NRXN3: variants seen among roughly 807,000 people sequenced by gnomAD.
NRXN3 encodes the protein neurexin III.
Under a neutral mutation model 137.6 loss-of-function variants are expected in NRXN3, and 32 were observed. The observed-to-expected ratio is 0.23, with a 90% confidence interval of 0.18 to 0.31. The LOEUF (loss-of-function observed/expected upper bound fraction) is 0.31, where lower values mean the gene tolerates loss of function less well. Ranked by LOEUF, NRXN3 falls within the 10% of genes least tolerant of loss-of-function variation. The pLI is 1.00. For synonymous variants in NRXN3, 798 were observed against 784.5 expected (o/e 1.02, Z -0.29); for missense variants, 1,574 against 2,062.5 (o/e 0.76, Z 4.59).
chr14:78,628,538 A>AAATTATTG (rs1393860300), intron 4 of NRXN3, among the ~76,000 whole-genome samples: 1 of 152,208 alleles, frequency 6.6e-6, no homozygotes, highest in African/African-American at 2.4e-5. Flanking sequence ...TGAATGAATA[A>AAATTATTG]AATTATTGAG....
intron 15 of NRXN3, among the ~76,000 whole-genome samples, chr14:79,392,463 G>A (rs1236313160): frequency 6.6e-6 from 1 of 152,180 alleles, no homozygotes; most frequent in East Asian, 1.9e-4. Context: ...ACATGTGCTT[G>A]TGTCTTTATA....
intron 4 of NRXN3, among the ~76,000 whole-genome samples, chr14:78,574,506 A>T (rs1383897583): frequency 6.6e-6 from 1 of 152,220 alleles, no homozygotes; most frequent in African/African-American, 2.4e-5. Context: ...CATGCCCTGG[A>T]TGTTAGACAC....
At chr14:78,778,768 C>CT (rs769415618) in intron 8 of NRXN3, among the ~76,000 whole-genome samples, 1 of 57,430 alleles carries the variant, frequency 1.7e-5, no homozygotes. Context: ...CTCTTTCTTT[C>CT]TTTCTTTCTT....
chr14:79,478,927 T>C (rs1190571054), intron 16 of NRXN3, among the ~76,000 whole-genome samples: 1 of 152,070 alleles, frequency 6.6e-6, no homozygotes, highest in Admixed American at 6.6e-5. Context: ...CCTTATCTTG[T>C]TCATCTCTCA....
At chr14:78,865,820 G>C (rs1466075163) in intron 10 of NRXN3, among the ~76,000 whole-genome samples, 1 of 152,084 alleles carries the variant, frequency 6.6e-6, no homozygotes. Flanking sequence ...TTGGTTTTAT[G>C]GCCAGAACTA....
Position 79,064,777 on chromosome 14 carries a change from GTATA to G in NRXN3, c.3262+76645_3262+76648del, listed in dbSNP as rs1229248575. ...TAATTACCCATATATATGTATGTGT[GTATA>G]TATATATAATTACCCATATATATGT... On this transcript the variant is annotated intron_variant, in intron 15 of 20. Transcript: ENST00000335750. 4.2e-4 allele frequency among the ~76,000 whole-genome samples: 57 copies of G among 136,310 alleles called. No individual in the cohort carries two copies. In the East Asian group the frequency reaches 9.2e-3, roughly 22 times the overall value. 89.4% of individuals were successfully genotyped at this position (136,310 alleles called of 152,430 possible). A position where few individuals can be genotyped will look rare whatever the true frequency, so the allele number is the denominator to read the frequency against.
intron 15 of NRXN3, among the ~76,000 whole-genome samples, chr14:79,447,877 A>G (rs890675788): frequency 7.2e-5 from 11 of 152,196 alleles, no homozygotes; most frequent in Non-Finnish European, 1.3e-4. Context: ...GAGCTCATAC[A>G]TGTGTTCTTC....
At chr14:79,418,268 TAA>T (rs1303717213) in intron 15 of NRXN3, among the ~76,000 whole-genome samples, 1 of 152,186 alleles carries the variant, frequency 6.6e-6, no homozygotes, top group Non-Finnish European at 1.5e-5. Context: ...TCAGTAATTA[TAA>T]GTCTATAATT....
chr14:79,109,335 G>T (rs1333774083), intron 15 of NRXN3, among the ~76,000 whole-genome samples: 1 of 152,098 alleles, frequency 6.6e-6, no homozygotes, highest in African/African-American at 2.4e-5. Context: ...AAACTTAGAA[G>T]AACTAGATAA....
intron 10 of NRXN3, among the ~76,000 whole-genome samples, chr14:78,872,917 C>T (rs2099104967): frequency 6.6e-6 from 1 of 152,180 alleles, no homozygotes; most frequent in Admixed American, 6.5e-5. Context: ...CTGTCACAGC[C>T]TGAGCCTCTT....
intron 15 of NRXN3, among the ~76,000 whole-genome samples, chr14:79,274,634 A>G (rs1239854902): frequency 6.7e-6 from 1 of 150,288 alleles, no homozygotes; most frequent in Non-Finnish European, 1.5e-5. Flanking sequence ...AAAAAAAAAA[A>G]TGCTTCTATA....
chr14:78,622,538 A>G (rs1415238299), intron 4 of NRXN3, among the ~76,000 whole-genome samples: 1 of 151,952 alleles, frequency 6.6e-6, no homozygotes, highest in Non-Finnish European at 1.5e-5. Flanking sequence ...CCCACAAAGC[A>G]ATCGTGAGCT....
At chr14:78,361,807 C>T (rs1229027577) in intron 4 of NRXN3, among the ~76,000 whole-genome samples, 1 of 152,190 alleles carries the variant, frequency 6.6e-6, no homozygotes, top group African/African-American at 2.4e-5. Context: ...CCTAAAACGG[C>T]TCCCTTTATT....
At position 79,864,861 on chromosome 14, in the gene NRXN3, C is replaced by T. The variant is rs1015434816; in HGVS notation, c.*2897C>T. 5.3e-5 allele frequency: 8 copies of T among 152,158 alleles called. No homozygotes were observed. Among genetic ancestry groups the T allele is most frequent in the African/African-American group, 1.9e-4 (8 of 41,416 alleles). 9.4% of individuals were successfully genotyped at this position (152,158 alleles called of 1,614,324 possible). ...CCGCCTCCCGGGTTCACACCATTCT[C>T]CTGCCTCAGCCCCCCGAGTAGGTGG... On this transcript the variant is annotated 3_prime_UTR_variant, in exon 21 of 21. Coordinates refer to ENST00000335750, the MANE Select transcript of NRXN3 (RefSeq NM_001330195.2).
At chr14:78,436,831 T>A (rs1287324277) in intron 4 of NRXN3, among the ~76,000 whole-genome samples, 1 of 152,132 alleles carries the variant, frequency 6.6e-6, no homozygotes, top group African/African-American at 2.4e-5. Flanking sequence ...ACCACAGGAA[T>A]CATGGCCATC....
At chr14:79,314,122 A>C (rs1259865727) in intron 15 of NRXN3, 1 of 152,464 alleles carries the variant, frequency 6.6e-6, no homozygotes, top group Admixed American at 6.6e-5. Context: ...GACGCAGAAG[A>C]CGGGTGATTT....
intron 19 of NRXN3, among the ~76,000 whole-genome samples, chr14:79,725,973 A>G (rs1216372303): frequency 6.6e-6 from 1 of 152,144 alleles, no homozygotes; most frequent in Non-Finnish European, 1.5e-5. Flanking sequence ...AAGCTGTCAG[A>G]TGATTCCCAC....
chr14:78,852,510 T>C (rs2099045365), intron 10 of NRXN3, among the ~76,000 whole-genome samples: 1 of 152,216 alleles, frequency 6.6e-6, no homozygotes, highest in African/African-American at 2.4e-5. Context: ...AGATAAAATC[T>C]GAGTTCTGAA....
chr14:79,773,583 A>T (rs945028568), intron 19 of NRXN3, among the ~76,000 whole-genome samples: 2 of 137,090 alleles, frequency 1.5e-5, no homozygotes, highest in African/African-American at 5.5e-5. Flanking sequence ...AACAATGAGA[A>T]CACATGGACA....
Sources: allele counts gnomAD v4.1 joint callset (sites outside exome capture counted in the v4.1 genomes callset), GRCh38; gene constraint gnomAD v4.1.1; transcripts MANE v1.5; gene names NCBI Gene and HGNC (gene_info 2026-07-23, HGNC 2026-07-21).